The following CHEK2 variants were observed in gnomAD, a reference collection of about 807,000 sequenced individuals.
CHEK2 encodes the protein checkpoint kinase 2, also known as serine/threonine-protein kinase Chk2.
Under a neutral mutation model 69.1 loss-of-function variants are expected in CHEK2, and 71 were observed. The ratio of observed to expected loss-of-function variants is 1.03; its 90% CI spans 0.85 to 1.25. The LOEUF (loss-of-function observed/expected upper bound fraction) is 1.25. Among genes scored for constraint, CHEK2 ranks in the 50% most tolerant of loss-of-function variants. The pLI, the probability that CHEK2 is intolerant of heterozygous loss-of-function variation, is 0.00. For missense variants in CHEK2, 664 were observed against 649.6 expected (o/e 1.02, Z -0.24); for synonymous variants, 189 against 226.9 (o/e 0.83, Z 1.50).
Position 28,692,257 on chromosome 22 carries a change from A to G in CHEK2, c.1461+1775T>C, listed in dbSNP as rs562452153. Among the ~76,000 whole-genome samples, 284 of 152,312 alleles carry G rather than the reference A, an allele frequency of 1.9e-3. 1 individual carries two copies. Among genetic ancestry groups the G allele is most frequent in the Non-Finnish European group, 3.3e-3 (222 of 68,016 alleles). On this transcript the variant is annotated intron_variant, in intron 13 of 14. Coordinates refer to ENST00000404276, the MANE Select transcript of CHEK2 (RefSeq NM_007194.4). ...TACATTTAGACCCAAGAGTTTCCCTATTAGGACACATGAAAAGAGCCAAAA... is the reference window on the plus strand; with the variant it reads ...TACATTTAGACCCAAGAGTTTCCCTGTTAGGACACATGAAAAGAGCCAAAA...
chr22:28,709,972 TAA>T (rs1467806563), intron 7 of CHEK2, 32 bp downstream of exon 7: 9 of 1,175,958 alleles, frequency 7.7e-6, no homozygotes, highest in Non-Finnish European at 1.1e-5. Flanking sequence ...TTGAGATAGA[TAA>T]ATCTAAGTAT....
At chr22:28,733,922 CAAAAAAA>C (rs545037765) in intron 2 of CHEK2, among the ~76,000 whole-genome samples, 5 of 84,090 alleles carry the variant, frequency 5.9e-5, no homozygotes, top group Middle Eastern at 9.3e-3. Flanking sequence ...ACTCCGTTGC[CAAAAAAA>C]AAAAAAAAAA....
At chr22:28,723,701 T>C (rs2053886835) in intron 4 of CHEK2, among the ~76,000 whole-genome samples, 1 of 151,864 alleles carries the variant, frequency 6.6e-6, no homozygotes, top group Non-Finnish European at 1.5e-5. Flanking sequence ...CCCAGCACTT[T>C]GGGAGGCCAA....
chr22:28,699,506 A>G (rs1271206107), intron 9 of CHEK2, among the ~76,000 whole-genome samples: 1 of 151,634 alleles, frequency 6.6e-6, no homozygotes, highest in Non-Finnish European at 1.5e-5. Context: ...CTGGGACTAC[A>G]GGCACGCAAC....
chr22:28,717,640 C>A (rs553579175), intron 5 of CHEK2, among the ~76,000 whole-genome samples: 1 of 151,900 alleles, frequency 6.6e-6, no homozygotes. Flanking sequence ...TCTGGGAGGC[C>A]GAGGCAGGCA....
At chr22:28,699,204 T>C (rs887486674) in intron 9 of CHEK2, among the ~76,000 whole-genome samples, 4 of 152,048 alleles carry the variant, frequency 2.6e-5, no homozygotes, top group Non-Finnish European at 4.4e-5. Context: ...GGTCCCATTA[T>C]ATTGCCCAGG....
intron 4 of CHEK2, among the ~76,000 whole-genome samples, chr22:28,721,097 A>C (rs2053758326): frequency 6.6e-6 from 1 of 152,198 alleles, no homozygotes; most frequent in Non-Finnish European, 1.5e-5. Flanking sequence ...GTATCAGTAA[A>C]TGCCTAATAA....
intron 8 of CHEK2, among the ~76,000 whole-genome samples, chr22:28,702,129 GTGTGTC>G (rs1427103445): frequency 1.9e-5 from 2 of 107,348 alleles, no homozygotes. Flanking sequence ...TTTTGTGTGT[GTGTGTC>G]TGTGTGTGTG....
intron 2 of CHEK2, among the ~76,000 whole-genome samples, chr22:28,733,922 CAAAA>C (rs545037765): frequency 3.6e-5 from 3 of 84,056 alleles, no homozygotes; most frequent in Admixed American, 1.3e-4. Context: ...ACTCCGTTGC[CAAAA>C]AAAAAAAAAA....
chr22:28,705,263 G>A (rs2053073275), intron 7 of CHEK2, among the ~76,000 whole-genome samples: 1 of 151,850 alleles, frequency 6.6e-6, no homozygotes, highest in South Asian at 2.1e-4. Context: ...ATTTTTAGTA[G>A]AGACTTGGTT....
intron 8 of CHEK2, among the ~76,000 whole-genome samples, chr22:28,701,799 A>G (rs1367428696): frequency 6.6e-6 from 1 of 152,194 alleles, no homozygotes; most frequent in East Asian, 1.9e-4. Context: ...AGAAAGTCCT[A>G]CCCAGGTAGA....
At chr22:28,740,942 G>A (rs1261611259) in intron 1 of CHEK2, among the ~76,000 whole-genome samples, 1 of 152,036 alleles carries the variant, frequency 6.6e-6, no homozygotes, top group East Asian at 1.9e-4. Context: ...GATCACCTGA[G>A]GTCAGGAGTT....
chr22:28,712,119 A>C (rs559474229), intron 5 of CHEK2, 102 bp from the exon 6 acceptor site: 1 of 839,668 alleles, frequency 1.2e-6, no homozygotes, highest in East Asian at 2.5e-5. Flanking sequence ...GACATTCCAT[A>C]TAACAGCCTT....
intron 2 of CHEK2, among the ~76,000 whole-genome samples, chr22:28,733,372 T>C (rs17883328): frequency 0.016 from 2,410 of 152,212 alleles, 44 homozygotes; most frequent in East Asian, 0.078. Context: ...AGGAAGAGGG[T>C]CCAAAGCTAC....
chr22:28,721,783 T>G (rs192856090), intron 4 of CHEK2, among the ~76,000 whole-genome samples: 3 of 152,038 alleles, frequency 2.0e-5, no homozygotes, highest in Non-Finnish European at 4.4e-5. Context: ...CAGGGAAGAG[T>G]ACAGTGGTGC....
intron 14 of CHEK2, among the ~76,000 whole-genome samples, chr22:28,688,614 A>T (rs1421443025): frequency 2.6e-5 from 4 of 152,054 alleles, no homozygotes; most frequent in African/African-American, 9.7e-5. Context: ...GGTTGCAGTG[A>T]GCTGAGATTG....
At position 28,695,871 on chromosome 22, in the gene CHEK2, A is replaced by G. The variant is rs876659635; in HGVS notation, c.1098T>C (p.Ile366=). 3.1e-6 allele frequency: 5 copies of G among 1,610,534 alleles called. No individual in the cohort carries two copies. The highest frequency in any genetic ancestry group is 4.2e-6 in the Non-Finnish European group (5 of 1,176,716). Reference sequence around the variant, plus strand: ...AAATCTTGGAGTGCCCAAAATCAGTAATCTAAAATTCAGTACAAAAGGGAA... The same window carrying G: ...AAATCTTGGAGTGCCCAAAATCAGTGATCTAAAATTCAGTACAAAAGGGAA... ...SSQEEDCLIK[I]TDFGHSKILG... Residue 366 remains isoleucine (I), a splice_region_variant and synonymous_variant, in exon 11 of 15, where the codon ATT becomes ATC. Transcript: ENST00000404276.
Position 28,689,152 on chromosome 22 carries a change from G to A in CHEK2, c.1525C>T (p.Pro509Ser), listed in dbSNP as rs587780179. 1.0e-4 allele frequency: 162 copies of A among 1,594,024 alleles called. No homozygotes were observed. The highest frequency in any genetic ancestry group is 1.2e-4 in the Non-Finnish European group (140 of 1,178,056). ...ACGAATACCTGGGCTAGAACCTGGG[G>A]TAGAGCTGTGGATTCATTTTCCTCA... ...LSEENESTAL[P>S]QVLAQPSTSR... The change falls in exon 14 of 15, where the codon CCC becomes TCC. Residue 509 changes from proline (P) to serine (S), a missense_variant. Transcript: ENST00000404276.
intron 8 of CHEK2, among the ~76,000 whole-genome samples, chr22:28,701,940 T>A (rs1172470736): frequency 6.9e-6 from 1 of 144,842 alleles, no homozygotes; most frequent in Non-Finnish European, 1.5e-5. Context: ...TCTATGTATA[T>A]CATCCCATAT....
Sources: allele counts gnomAD v4.1 joint callset (sites outside exome capture counted in the v4.1 genomes callset), GRCh38; gene constraint gnomAD v4.1.1; transcripts MANE v1.5; gene names NCBI Gene and HGNC (gene_info 2026-07-23, HGNC 2026-07-21).